Variants in PRKCH observed in about 807,000 individuals in gnomAD.
PRKCH encodes protein kinase C eta.
A neutral mutation model predicts 82.5 loss-of-function variants in PRKCH; 28 were observed. The observed-to-expected ratio is 0.34, with a 90% CI of 0.25 to 0.47. The LOEUF (loss-of-function observed/expected upper bound fraction) is 0.47, where lower values mean the gene tolerates loss of function less well. PRKCH is among the 20% of genes least tolerant of loss of function. PRKCH has a pLI of 1.00. For missense variants in PRKCH, 705 were observed against 881.8 expected, an observed-to-expected ratio of 0.80 and a Z score of 2.54; for synonymous variants, 322 against 327.4, an observed-to-expected ratio of 0.98 and a Z score of 0.18.
intron 10 of PRKCH, among the ~76,000 whole-genome samples, chr14:61,507,670 C>G (rs916174025): frequency 2.3e-4 from 35 of 151,760 alleles, no homozygotes; most frequent in Admixed American, 7.9e-4. Context: ...TAAGGCAGAC[C>G]CAGAAAGACA....
chr14:61,200,300 C>T (rs527519322), intron 1 of PRKCH, among the ~76,000 whole-genome samples: 2 of 152,168 alleles, frequency 1.3e-5, no homozygotes, highest in Non-Finnish European at 2.9e-5. Context: ...AGTCCCTAGA[C>T]TCTTCATTCA....
intron 1 of PRKCH, among the ~76,000 whole-genome samples, chr14:61,379,341 A>T (rs2046467551): frequency 6.6e-6 from 1 of 152,200 alleles, no homozygotes; most frequent in Admixed American, 6.5e-5. Context: ...TCATAGAATA[A>T]CTGTTGGGAT....
chr14:61,306,961 G>GT (rs1219830592), intron 1 of PRKCH: 2 of 152,158 alleles, frequency 1.3e-5, no homozygotes, highest in East Asian at 3.8e-4. Context: ...TTTTTAAAGA[G>GT]TTTAACACAA....
At chr14:61,548,861 C>A (rs80061161) in intron 13 of PRKCH, among the ~76,000 whole-genome samples, 1,490 of 128,532 alleles carry the variant, frequency 0.012, no homozygotes, top group Non-Finnish European at 0.014. Context: ...GACTTTGTCT[C>A]AAAAAAAAAA....
At chr14:61,294,793 A>G (rs2045392783) in intron 1 of PRKCH, among the ~76,000 whole-genome samples, 1 of 151,938 alleles carries the variant, frequency 6.6e-6, no homozygotes, top group African/African-American at 2.4e-5. Context: ...CACCCCCCGC[A>G]AAAAAAATAT....
chr14:61,486,668 TTTTC>T (rs202061595), intron 10 of PRKCH, among the ~76,000 whole-genome samples: 17,319 of 149,808 alleles, frequency 0.12, 1,015 homozygotes, highest in South Asian at 0.19. Context: ...GTTTTATTTC[TTTTC>T]TTTCTTTCTT....
At position 61,217,323 on chromosome 14, in the gene PRKCH, G is replaced by A. The variant is rs561570314; in HGVS notation, c.-19+29655G>A. 6.6e-5 allele frequency among the ~76,000 whole-genome samples: 10 copies of A among 152,238 alleles called. No homozygotes were observed. In the South Asian group the frequency reaches 2.1e-3, roughly 32 times the overall value. On this transcript the variant is annotated intron_variant, in intron 1 of 3. Transcript: ENST00000555185. ...CAGGAGGATCAGTTGGGCCCGGGAG[G>A]TTGAGGCTGCAGTGAGAGGTTGAGG...
At chr14:61,510,194 G>A in intron 10 of PRKCH, among the ~76,000 whole-genome samples, 1 of 152,138 alleles carries the variant, frequency 6.6e-6, no homozygotes, top group East Asian at 1.9e-4. Flanking sequence ...GAACCTGGAA[G>A]GTTTTGAATG....
chr14:61,505,395 C>CTTTTTTTTTTTTTTT (rs60304150), intron 10 of PRKCH, among the ~76,000 whole-genome samples: 28 of 55,768 alleles, frequency 5.0e-4, no homozygotes, highest in African/African-American at 1.2e-3. Context: ...CTTTTCTTTT[C>CTTTTTTTTTTTTTTT]TTTTTTTTTT....
At chr14:61,307,994 A>T (rs921543309) in intron 1 of PRKCH, among the ~76,000 whole-genome samples, 6 of 152,014 alleles carry the variant, frequency 3.9e-5, no homozygotes, top group Non-Finnish European at 8.8e-5. Flanking sequence ...ACATCAGCAC[A>T]CCTGGCTAAT....
At chr14:61,278,627 AC>A (rs1566803817) in intron 1 of PRKCH, 1 of 152,250 alleles carries the variant, frequency 6.6e-6, no homozygotes. Flanking sequence ...TCTGACAAAT[AC>A]CAAATAACTG....
chr14:61,443,633 A>G lies in PRKCH; in HGVS notation c.578+372A>G, dbSNP rs1314266789. Among the ~76,000 whole-genome samples the G allele has an allele frequency of 3.3e-5, 5 of 152,254 alleles. No individual in the cohort carries two copies. In the East Asian group the frequency reaches 9.6e-4, roughly 29 times the overall value. ...ACAGTATTGCTTTAAGAAGGCATGA[A>G]TCGCATAATGACTTATGGAAATTAA... On this transcript the variant is annotated intron_variant, in intron 3 of 13. Transcript: ENST00000332981.
intron 9 of PRKCH, among the ~76,000 whole-genome samples, chr14:61,475,798 C>T (rs977670999): frequency 6.6e-6 from 1 of 152,138 alleles, no homozygotes; most frequent in Non-Finnish European, 1.5e-5. Context: ...AATTAGGACA[C>T]AAAGGAAAAA....
At chr14:61,243,948 TAAA>T (rs36057064) in intron 1 of PRKCH, among the ~76,000 whole-genome samples, 22 of 148,516 alleles carry the variant, frequency 1.5e-4, no homozygotes, top group Non-Finnish European at 1.2e-4. Flanking sequence ...TCATCTTAAT[TAAA>T]AAAAAAAAAA....
rs34645520 is a variant in PRKCH, at chr14:61,200,388, A to AGTGTGT, written c.-19+12737_-19+12742dup. The stretch of plus-strand genomic sequence containing the variant: ...ATGCTACTGTTTAAGTGAGTGAGTG[A>AGTGTGT]GTGTGTGTGTGTGTGTGTGTGTTTG... On this transcript the variant is annotated intron_variant, in intron 1 of 3. Coordinates refer to the PRKCH transcript ENST00000555185. Among the ~76,000 whole-genome samples the AGTGTGT allele has an allele frequency of 5.5e-3, 783 of 142,474 alleles. 8 individuals carry two copies. Among genetic ancestry groups the AGTGTGT allele is most frequent in the African/African-American group, 0.021 (722 of 33,896 alleles). The allele number at this position is 142,474 out of a possible 152,430, so 93.5% of individuals were successfully genotyped here.
chr14:61,418,142 C>T (rs1882656612), intron 2 of PRKCH, among the ~76,000 whole-genome samples: 1 of 152,244 alleles, frequency 6.6e-6, no homozygotes, highest in Non-Finnish European at 1.5e-5. Context: ...CGCTTACATT[C>T]ACACACTGCA....
intron 1 of PRKCH, among the ~76,000 whole-genome samples, chr14:61,228,013 G>A (rs1566787337): frequency 1.3e-5 from 2 of 152,124 alleles, no homozygotes; most frequent in African/African-American, 2.4e-5. Context: ...TAAACAAAGG[G>A]ATTGTCTGCT....
chr14:61,517,751 G>C (rs1249370831), intron 10 of PRKCH, among the ~76,000 whole-genome samples: 1 of 152,166 alleles, frequency 6.6e-6, no homozygotes, highest in South Asian at 2.1e-4. Context: ...AGCCACCCCT[G>C]GTTGTGATTA....
At chr14:61,206,383 CT>C (rs1185473148) in intron 1 of PRKCH, among the ~76,000 whole-genome samples, 1 of 152,142 alleles carries the variant, frequency 6.6e-6, no homozygotes, top group Non-Finnish European at 1.5e-5. Flanking sequence ...TTGACATTGC[CT>C]TTTTCTCTGT....
Sources: allele counts gnomAD v4.1 joint callset (sites outside exome capture counted in the v4.1 genomes callset), GRCh38; gene constraint gnomAD v4.1.1; transcripts MANE v1.5; gene names NCBI Gene and HGNC (gene_info 2026-07-23, HGNC 2026-07-21).